The following OXR1 variants were observed in gnomAD, a reference collection of about 807,000 sequenced individuals.
The protein encoded by OXR1 is oxidation resistance 1, also known as oxidation resistance protein 1.
Under a neutral mutation model 104.6 loss-of-function variants are expected in OXR1, and 41 were observed. The observed-to-expected ratio is 0.39, with a 90% CI of 0.31 to 0.51. The LOEUF is 0.51. Among genes scored for constraint, OXR1 ranks in the 20% least tolerant of loss-of-function variants. The probability of loss-of-function intolerance (pLI) is 0.77; values close to 1 mark genes in which losing one functional copy is unlikely to be tolerated. For missense variants in OXR1, 955 were observed against 1,031.9 expected, an observed-to-expected ratio of 0.93 and a Z score of 1.02; for synonymous variants, 348 against 348.4, an observed-to-expected ratio of 1.00 and a Z score of 0.01.
At position 106,348,532 on chromosome 8, in the gene OXR1, A is replaced by G. The variant is rs188047799; in HGVS notation, c.-138-10944A>G. 9.2e-5 allele frequency among the ~76,000 whole-genome samples: 14 copies of G among 152,234 alleles called. No individual in the cohort carries two copies. The East Asian group carries it at 2.5e-3, about 27-fold the overall frequency. ...TTTTAACTTAAACTGTTTTTTGGCA[A>G]TCTTTTTTATTGGGCAATCCACATG... On this transcript the variant is annotated intron_variant, in intron 1 of 16. Transcript: ENST00000517566.
At chr8:106,295,729 A>AT (rs1325984310) in intron 1 of OXR1, among the ~76,000 whole-genome samples, 1 of 152,168 alleles carries the variant, frequency 6.6e-6, no homozygotes, top group Non-Finnish European at 1.5e-5. Context: ...CATTCAAGAG[A>AT]TTTTTTGAAC....
chr8:106,743,816 A>G (rs1835150443), intron 15 of OXR1, among the ~76,000 whole-genome samples: 1 of 152,260 alleles, frequency 6.6e-6, no homozygotes, highest in African/African-American at 2.4e-5. Context: ...TCATTGTAGC[A>G]CTATTCACAA....
chr8:106,310,469 C>A (rs1323620418), intron 1 of OXR1, among the ~76,000 whole-genome samples: 1 of 152,168 alleles, frequency 6.6e-6, no homozygotes, highest in Non-Finnish European at 1.5e-5. Context: ...GTCATCCTGA[C>A]AATTCTCTTT....
At chr8:106,498,354 A>G (rs1432061026) in intron 2 of OXR1, among the ~76,000 whole-genome samples, 1 of 152,230 alleles carries the variant, frequency 6.6e-6, no homozygotes, top group Non-Finnish European at 1.5e-5. Flanking sequence ...TTGCAAATAA[A>G]TCAATCAAGC....
intron 1 of OXR1, among the ~76,000 whole-genome samples, chr8:106,276,874 G>A (rs1812069050): frequency 6.6e-6 from 1 of 151,544 alleles, no homozygotes; most frequent in South Asian, 2.1e-4. Context: ...ATGAAAATAA[G>A]TAGAGCTTTA....
At chr8:106,578,896 C>T (rs565016691) in intron 3 of OXR1, among the ~76,000 whole-genome samples, 35 of 151,878 alleles carry the variant, frequency 2.3e-4, no homozygotes, top group African/African-American at 8.0e-4. Context: ...ACTCTTTACC[C>T]TATTCCCACC....
At chr8:106,741,709 A>T (rs1415031213) in intron 14 of OXR1, among the ~76,000 whole-genome samples, 1 of 152,112 alleles carries the variant, frequency 6.6e-6, no homozygotes, top group African/African-American at 2.4e-5. Context: ...TCATTAGGGT[A>T]CTGTGTGTCT....
intron 3 of OXR1, among the ~76,000 whole-genome samples, chr8:106,601,700 GGGTA>G (rs767205616): frequency 3.5e-4 from 54 of 152,214 alleles, no homozygotes; most frequent in Non-Finnish European, 6.5e-4. Context: ...TGCATTCCCT[GGGTA>G]CTCTTTTCCT....
chr8:106,481,744 C>T (rs1822127898), intron 2 of OXR1, among the ~76,000 whole-genome samples: 1 of 152,026 alleles, frequency 6.6e-6, no homozygotes, highest in Admixed American at 6.6e-5. Flanking sequence ...AATGCTAAAA[C>T]ATAACTTGAT....
chr8:106,662,308 A>G (rs1380632653), intron 3 of OXR1, among the ~76,000 whole-genome samples: 1 of 152,240 alleles, frequency 6.6e-6, no homozygotes, highest in Non-Finnish European at 1.5e-5. Context: ...TTACATTTTT[A>G]TGACTTGAAT....
At chr8:106,504,126 A>G (rs1811998227) in intron 2 of OXR1, among the ~76,000 whole-genome samples, 2 of 152,172 alleles carry the variant, frequency 1.3e-5, no homozygotes, top group African/African-American at 4.8e-5. Context: ...GGGGAACACA[A>G]AGACCTGTTC....
At chr8:106,580,957 C>T in intron 3 of OXR1, 1 of 1,004,528 alleles carries the variant, frequency 1.0e-6, no homozygotes, top group Non-Finnish European at 1.2e-6. Context: ...GAACCTAAAA[C>T]ACATGCTTGT....
intron 3 of OXR1, among the ~76,000 whole-genome samples, chr8:106,584,902 G>C (rs1295216193): frequency 1.3e-5 from 2 of 152,108 alleles, no homozygotes; most frequent in Non-Finnish European, 2.9e-5. Flanking sequence ...TGGTTCTGGA[G>C]AGTAGGAAAA....
intron 1 of OXR1, among the ~76,000 whole-genome samples, chr8:106,311,410 G>A (rs1396943209): frequency 6.6e-6 from 1 of 152,104 alleles, no homozygotes; most frequent in African/African-American, 2.4e-5. Flanking sequence ...TGTAGAACTT[G>A]TTGAGTGGTA....
intron 7 of OXR1, 106 bp from the exon 8 acceptor site, chr8:106,702,800 A>G (rs1375156683): frequency 7.1e-6 from 6 of 851,058 alleles, no homozygotes; most frequent in South Asian, 2.2e-5. Context: ...TGAGTGTACT[A>G]TTTTTATATA....
intron 1 of OXR1, among the ~76,000 whole-genome samples, chr8:106,302,446 C>CGTG (rs1330258676): frequency 1.3e-5 from 2 of 151,740 alleles, no homozygotes; most frequent in Non-Finnish European, 2.9e-5. Context: ...TTAAGCCCGG[C>CGTG]GTGGTGGCGG....
chr8:106,488,435 C>A (rs1454837508), intron 2 of OXR1, among the ~76,000 whole-genome samples: 1 of 150,096 alleles, frequency 6.7e-6, no homozygotes, highest in Non-Finnish European at 1.5e-5. Flanking sequence ...TAATTAGATC[C>A]CATTTGTCAA....
intron 1 of OXR1, among the ~76,000 whole-genome samples, chr8:106,298,165 A>G (rs936301571): frequency 6.6e-6 from 1 of 152,192 alleles, no homozygotes; most frequent in Non-Finnish European, 1.5e-5. Flanking sequence ...AGTCCTTACA[A>G]TAGGAATCTG....
At chr8:106,534,945 A>G (rs1814369776) in intron 3 of OXR1, among the ~76,000 whole-genome samples, 1 of 152,144 alleles carries the variant, frequency 6.6e-6, no homozygotes, top group African/African-American at 2.4e-5. Context: ...CCTGAAAGCT[A>G]GCACGAGGTT....
Sources: allele counts gnomAD v4.1 joint callset (sites outside exome capture counted in the v4.1 genomes callset), GRCh38; gene constraint gnomAD v4.1.1; transcripts MANE v1.5; gene names NCBI Gene and HGNC (gene_info 2026-07-23, HGNC 2026-07-21).